The following PTPRK variants were observed in gnomAD, a reference collection of about 807,000 sequenced individuals.
PTPRK encodes the protein protein tyrosine phosphatase receptor type K, also known as receptor-type tyrosine-protein phosphatase kappa.
A neutral mutation model predicts 178.0 loss-of-function variants in PTPRK; 75 were observed. The observed-to-expected ratio is 0.42, with a 90% CI of 0.35 to 0.51. The LOEUF is 0.51. Among genes scored for constraint, PTPRK ranks in the 20% least tolerant of loss-of-function variants. The pLI is 0.02. For synonymous variants in PTPRK, 637 were observed against 620.6 expected (o/e 1.03, Z -0.39); for missense variants, 1,441 against 1,797.8 (o/e 0.80, Z 3.59).
rs528837377 is a variant in PTPRK, at chr6:128,379,533, T to C, written c.223+18033A>G. ...CAAATAGGAAAGTCTTGATTTTACCTTTAAGAAAGAGAGGACAATCTGTCC... is the reference window on the plus strand; with the variant it reads ...CAAATAGGAAAGTCTTGATTTTACCCTTAAGAAAGAGAGGACAATCTGTCC... On this transcript the variant is annotated intron_variant, in intron 2 of 29. Coordinates refer to ENST00000368226, the MANE Select transcript of PTPRK (RefSeq NM_002844.4). Among the ~76,000 whole-genome samples, 152 of 152,330 alleles carry C rather than the reference T, an allele frequency of 1.0e-3. 1 individual carries two copies. The highest frequency in any genetic ancestry group is 1.4e-3 in the Non-Finnish European group (95 of 68,012).
At chr6:128,205,793 A>AG (rs1806841024) in intron 6 of PTPRK, among the ~76,000 whole-genome samples, 1 of 150,938 alleles carries the variant, frequency 6.6e-6, no homozygotes, top group Non-Finnish European at 1.5e-5. Context: ...AAAAAAAAAA[A>AG]AAAAAAAAAA....
intron 1 of PTPRK, among the ~76,000 whole-genome samples, chr6:128,483,323 G>C (rs942388783): frequency 5.3e-5 from 8 of 151,994 alleles, no homozygotes; most frequent in African/African-American, 1.9e-4. Context: ...CTTCCTATGA[G>C]AGGTATTTTT....
chr6:128,330,450 C>G (rs977108895), intron 2 of PTPRK, among the ~76,000 whole-genome samples: 6 of 152,026 alleles, frequency 3.9e-5, no homozygotes, highest in Admixed American at 1.3e-4. Context: ...AATGATCAAA[C>G]TAGGAATCAG....
chr6:128,005,978 TG>T (rs777175881), intron 14 of PTPRK: 1 of 1,414,076 alleles, frequency 7.1e-7, no homozygotes, highest in African/African-American at 1.5e-5. Flanking sequence ...AAAGGGATAC[TG>T]CATCCTTAAC....
intron 1 of PTPRK, among the ~76,000 whole-genome samples, chr6:128,518,176 T>G (rs1858378133): frequency 6.6e-6 from 1 of 152,252 alleles, no homozygotes; most frequent in African/African-American, 2.4e-5. Context: ...TGCAATCCTG[T>G]GATTACTGTA....
chr6:128,017,713 T>TTC (rs147952517), intron 13 of PTPRK, among the ~76,000 whole-genome samples: 2 of 140,622 alleles, frequency 1.4e-5, no homozygotes, highest in African/African-American at 2.6e-5. Context: ...CTCTCTCTCC[T>TTC]TCTCTCTCTC....
At chr6:128,108,359 AAG>A (rs1279493687) in intron 7 of PTPRK, among the ~76,000 whole-genome samples, 1 of 152,184 alleles carries the variant, frequency 6.6e-6, no homozygotes, top group Non-Finnish European at 1.5e-5. Flanking sequence ...AGTGCAGAAA[AAG>A]AGAGTAGAGG....
intron 6 of PTPRK, among the ~76,000 whole-genome samples, chr6:128,212,253 T>G (rs1051906225): frequency 7.2e-5 from 11 of 152,042 alleles, no homozygotes; most frequent in Non-Finnish European, 1.5e-4. Context: ...GCATTTGTCT[T>G]TATTGAATAC....
Position 128,520,508 on chromosome 6 carries a change from G to GA in PTPRK, c.-151_-150insT. 3 of 692,088 alleles carry GA rather than the reference G, an allele frequency of 4.3e-6. No individual in the cohort carries two copies. The highest frequency in any genetic ancestry group is 1.9e-5 in the South Asian group (1 of 52,900). The allele number at this position is 692,088 out of a possible 1,614,324, so 42.9% of individuals were successfully genotyped here. A position where few individuals can be genotyped will look rare whatever the true frequency, so the allele number is the denominator to read the frequency against. On this transcript the variant is annotated 5_prime_UTR_variant, in exon 1 of 30. Transcript: ENST00000368226. ...CCGCCCTTTTTCCTTCTTCGCGGTC[G>GA]CCAAACTACCTCAGGGGCGAAAGCG...
chr6:128,268,186 C>A (rs2128296222), intron 3 of PTPRK, among the ~76,000 whole-genome samples: 1 of 152,044 alleles, frequency 6.6e-6, no homozygotes, highest in Admixed American at 6.6e-5. Flanking sequence ...GAACCTTTCC[C>A]ATTCTCATGC....
At chr6:128,145,307 G>A (rs1019420350) in intron 7 of PTPRK, among the ~76,000 whole-genome samples, 3 of 152,018 alleles carry the variant, frequency 2.0e-5, no homozygotes, top group Admixed American at 2.0e-4. Context: ...TAGATGGTGA[G>A]AGAAAACTTG....
At chr6:128,511,356 A>G (rs948183578) in intron 1 of PTPRK, among the ~76,000 whole-genome samples, 1 of 152,230 alleles carries the variant, frequency 6.6e-6, no homozygotes, top group African/African-American at 2.4e-5. Context: ...CAAGCCAATC[A>G]GCACACTAAC....
At chr6:128,478,923 A>G (rs1851706203) in intron 1 of PTPRK, among the ~76,000 whole-genome samples, 1 of 151,942 alleles carries the variant, frequency 6.6e-6, no homozygotes, top group African/African-American at 2.4e-5. Flanking sequence ...CTCCATACCA[A>G]CTTCACCTTA....
At position 128,119,269 on chromosome 6, in the gene PTPRK, G is replaced by C. The variant is rs147326292; in HGVS notation, c.1163-29277C>G. Among the ~76,000 whole-genome samples, 583 of 150,316 alleles carry C rather than the reference G, an allele frequency of 3.9e-3. 5 individuals are homozygous for C. The highest frequency in any genetic ancestry group is 0.013 in the African/African-American group (540 of 41,016). On this transcript the variant is annotated intron_variant, in intron 7 of 29. Transcript: ENST00000368226. ...AACACAAGCCATGGATGTGTTTTTTGGTTTTTTTTTTAAATTTACATTCCT... is the reference window on the plus strand; with the variant it reads ...AACACAAGCCATGGATGTGTTTTTTCGTTTTTTTTTTAAATTTACATTCCT...
chr6:127,991,370 T>C lies in PTPRK; in HGVS notation c.2903A>G (p.Tyr968Cys). The change falls in exon 20 of 30, where the codon TAT becomes TGT. Residue 968 changes from tyrosine to cysteine, a missense_variant. Around this residue, in one of 4 missense-constraint regions of PTPRK, gnomAD observed 945 missense variants for 1,080.6 expected, o/e 0.87. Coordinates refer to ENST00000368226, the MANE Select transcript of PTPRK (RefSeq NM_002844.4). ...TTGCCAAATCATCCTCCAGAAATCATACACTGTTTCATGAACGGGACCTAC... is the reference window on the plus strand; with the variant it reads ...TTGCCAAATCATCCTCCAGAAATCACACACTGTTTCATGAACGGGACCTAC... Reference protein sequence around the residue: ...ATQGPVHETVYDFWRMIWQEQ... With the variant: ...ATQGPVHETVCDFWRMIWQEQ... The C allele has an allele frequency of 1.3e-6, 2 of 1,594,306 alleles. No homozygotes were observed. The highest frequency in any genetic ancestry group is 1.3e-5 in the African/African-American group (1 of 74,094).
chr6:128,491,652 G>A (rs1170502001), intron 1 of PTPRK: 1 of 438,496 alleles, frequency 2.3e-6, no homozygotes, highest in Non-Finnish European at 4.6e-6. Context: ...ACAGGCTCAG[G>A]CACTCATGTG....
At chr6:128,040,470 A>C (rs950491993) in intron 13 of PTPRK, among the ~76,000 whole-genome samples, 3 of 152,162 alleles carry the variant, frequency 2.0e-5, no homozygotes, top group African/African-American at 7.2e-5. Context: ...AGAACCAGGA[A>C]GTTTCCTCAA....
chr6:128,335,859 T>C (rs569927918), intron 2 of PTPRK, among the ~76,000 whole-genome samples: 2 of 152,196 alleles, frequency 1.3e-5, no homozygotes, highest in African/African-American at 4.8e-5. Flanking sequence ...TTAATGGAAT[T>C]AGTGGTCTCC....
chr6:128,498,736 A>T (rs1179518430), intron 1 of PTPRK, among the ~76,000 whole-genome samples: 1 of 152,248 alleles, frequency 6.6e-6, no homozygotes, highest in East Asian at 1.9e-4. Flanking sequence ...AAAAACATAT[A>T]TCTTGACAAA....
Sources: allele counts gnomAD v4.1 joint callset (sites outside exome capture counted in the v4.1 genomes callset), GRCh38; gene constraint gnomAD v4.1.1; regional missense constraint gnomAD v4.1.1; transcripts MANE v1.5; gene names NCBI Gene and HGNC (gene_info 2026-07-23, HGNC 2026-07-21).